Variants in ADGRB3 observed in about 807,000 individuals in gnomAD.
The protein encoded by ADGRB3 is brain-specific angiogenesis inhibitor 3.
A neutral mutation model predicts 193.4 loss-of-function variants in ADGRB3; 37 were observed. That is an observed-to-expected ratio of 0.19 (90% CI 0.15 to 0.25). ADGRB3 has a LOEUF of 0.25. Ranked by LOEUF, ADGRB3 falls within the 10% of genes least tolerant of loss-of-function variation. The pLI, the probability that ADGRB3 is intolerant of heterozygous loss-of-function variation, is 1.00. For synonymous variants in ADGRB3, 690 were observed against 644.2 expected, an observed-to-expected ratio of 1.07 and a Z score of -1.08; for missense variants, 1,637 against 1,852.9, an observed-to-expected ratio of 0.88 and a Z score of 2.14.
At chr6:68,999,696 A>C (rs977265927) in intron 11 of ADGRB3, among the ~76,000 whole-genome samples, 6 of 152,176 alleles carry the variant, frequency 3.9e-5, no homozygotes, top group Admixed American at 3.9e-4. Context: ...TGGGCTTTTG[A>C]AATCTTGTAA....
chr6:69,073,981 G>A (rs377661365), intron 16 of ADGRB3, among the ~76,000 whole-genome samples: 24 of 152,094 alleles, frequency 1.6e-4, no homozygotes, highest in South Asian at 2.1e-4. Flanking sequence ...CATGACAATC[G>A]TGATTTAATG....
intron 3 of ADGRB3, among the ~76,000 whole-genome samples, chr6:68,699,933 C>T (rs1765214871): frequency 6.6e-6 from 1 of 152,140 alleles, no homozygotes; most frequent in Admixed American, 6.6e-5. Context: ...TTTTCAAAGA[C>T]ATCTTCACTC....
chr6:69,182,634 C>T lies in ADGRB3; in HGVS notation c.2481-50656C>T, dbSNP rs1028928256. ...TTTTTCATCACTGCCATTATTTCTG[C>T]ATTACTTGAGGCAAATTGAGTGAGT... On this transcript the variant is annotated intron_variant, in intron 17 of 31. Coordinates refer to ENST00000370598, the MANE Select transcript of ADGRB3 (RefSeq NM_001704.3). 2.6e-5 allele frequency among the ~76,000 whole-genome samples: 4 copies of T among 151,972 alleles called. 1 individual carries two copies. The highest frequency in any genetic ancestry group is 9.7e-5 in the African/African-American group (4 of 41,390).
At chr6:69,340,101 AGTGAT>A (rs1768944324) in intron 26 of ADGRB3, among the ~76,000 whole-genome samples, 1 of 152,180 alleles carries the variant, frequency 6.6e-6, no homozygotes, top group African/African-American at 2.4e-5. Flanking sequence ...CATGATAGGC[AGTGAT>A]TATCTCCAAG....
chr6:68,674,512 A>C (rs930900665), intron 3 of ADGRB3, among the ~76,000 whole-genome samples: 5 of 152,204 alleles, frequency 3.3e-5, no homozygotes, highest in Admixed American at 3.3e-4. Context: ...TAGGCGTGAC[A>C]AAGCAAATAC....
intron 3 of ADGRB3, among the ~76,000 whole-genome samples, chr6:68,652,102 C>T (rs1768380091): frequency 6.6e-6 from 1 of 151,980 alleles, no homozygotes. Flanking sequence ...AGTCTAACTC[C>T]CACCCCTTAT....
At chr6:68,757,711 A>T (rs780739974) in intron 3 of ADGRB3, among the ~76,000 whole-genome samples, 3 of 152,098 alleles carry the variant, frequency 2.0e-5, no homozygotes, top group Non-Finnish European at 2.9e-5. Context: ...AAAAAAATTT[A>T]AAACCTTACT....
At chr6:68,787,271 T>G (rs912093952) in intron 3 of ADGRB3, among the ~76,000 whole-genome samples, 2 of 152,210 alleles carry the variant, frequency 1.3e-5, no homozygotes, top group African/African-American at 4.8e-5. Context: ...GCCCATTCAG[T>G]ATGATATTGG....
intron 17 of ADGRB3, among the ~76,000 whole-genome samples, chr6:69,126,519 T>C (rs920240766): frequency 6.6e-6 from 1 of 152,184 alleles, no homozygotes; most frequent in Non-Finnish European, 1.5e-5. Context: ...ACTCAAGTTC[T>C]GATATCTGAG....
At chr6:68,786,993 C>T (rs1237592951) in intron 3 of ADGRB3, among the ~76,000 whole-genome samples, 4 of 152,212 alleles carry the variant, frequency 2.6e-5, no homozygotes, top group Admixed American at 1.3e-4. Context: ...GTGATTTTTG[C>T]ACATTGATTT....
chr6:69,277,239 C>A (rs542241085), intron 20 of ADGRB3, among the ~76,000 whole-genome samples: 2 of 152,020 alleles, frequency 1.3e-5, no homozygotes, highest in Non-Finnish European at 2.9e-5. Context: ...GTGATTTGCC[C>A]ACCTCAGCCT....
At chr6:69,189,694 G>A (rs1765145145) in intron 17 of ADGRB3, among the ~76,000 whole-genome samples, 1 of 152,176 alleles carries the variant, frequency 6.6e-6, no homozygotes, top group South Asian at 2.1e-4. Context: ...TGAGTCAGCA[G>A]TTGACCTTAG....
intron 11 of ADGRB3, among the ~76,000 whole-genome samples, chr6:69,011,269 T>G (rs13192798): frequency 0.41 from 61,443 of 151,466 alleles, 13,111 homozygotes; most frequent in Middle Eastern, 0.45. Context: ...ATGTGGCACA[T>G]GTACGCTATG....
At chr6:69,340,362 T>C (rs1768948574) in intron 26 of ADGRB3, among the ~76,000 whole-genome samples, 2 of 152,196 alleles carry the variant, frequency 1.3e-5, no homozygotes, top group Admixed American at 1.3e-4. Flanking sequence ...TGAGTCATTT[T>C]AGCATTTACT....
chr6:68,914,383 A>G (rs1345110331), intron 3 of ADGRB3, among the ~76,000 whole-genome samples: 1 of 152,196 alleles, frequency 6.6e-6, no homozygotes, highest in African/African-American at 2.4e-5. Context: ...TGTGGAGGCC[A>G]ATATTCAACA....
At chr6:68,651,253 G>T (rs906578467) in intron 3 of ADGRB3, among the ~76,000 whole-genome samples, 6 of 152,094 alleles carry the variant, frequency 3.9e-5, no homozygotes, top group Non-Finnish European at 8.8e-5. Context: ...TTAGCCAATT[G>T]CAATGGCCAT....
At chr6:69,154,973 G>A (rs1015167306) in intron 17 of ADGRB3, among the ~76,000 whole-genome samples, 1 of 152,144 alleles carries the variant, frequency 6.6e-6, no homozygotes, top group African/African-American at 2.4e-5. Flanking sequence ...AAATTGCTCT[G>A]GCTTTGACAG....
At chr6:68,906,316 A>C (rs542748911) in intron 3 of ADGRB3, among the ~76,000 whole-genome samples, 1 of 151,478 alleles carries the variant, frequency 6.6e-6, no homozygotes, top group Non-Finnish European at 1.5e-5. Context: ...GGTATACCAT[A>C]TATATTGTTG....
chr6:69,345,028 C>G (rs1769056019), intron 26 of ADGRB3, among the ~76,000 whole-genome samples: 1 of 150,982 alleles, frequency 6.6e-6, no homozygotes, highest in Non-Finnish European at 1.5e-5. Flanking sequence ...ATGACTGAAG[C>G]AGCAAAAGAA....
Sources: gnomAD v4.1 joint callset for allele counts (sites outside exome capture counted in the v4.1 genomes callset) on GRCh38, gnomAD v4.1.1 for gene constraint, MANE v1.5 for transcripts, NCBI Gene and HGNC (gene_info 2026-07-23, HGNC 2026-07-21) for gene names.